Variants in CARD14 observed in about 807,000 individuals in gnomAD.
The protein encoded by CARD14 is caspase recruitment domain-containing protein 14.
In CARD14, 107 loss-of-function variants were observed where a neutral mutation model predicts 111.5. The ratio of observed to expected loss-of-function variants is 0.96; its 90% CI spans 0.82 to 1.13. The LOEUF is 1.13. Ranked by LOEUF, CARD14 falls within the 50% of genes most tolerant of loss-of-function variation. The probability of loss-of-function intolerance (pLI) is 0.00; values close to 1 mark genes in which losing one functional copy is unlikely to be tolerated. For missense variants in CARD14, 1,322 were observed against 1,362.3 expected (o/e 0.97, Z 0.47); for synonymous variants, 617 against 579.6 (o/e 1.06, Z -0.93).
Position 80,182,692 on chromosome 17 carries a change from G to A in CARD14, c.251G>A (p.Gly84Glu), listed in dbSNP as rs767900787. 4 of 1,614,002 alleles carry A rather than the reference G, an allele frequency of 2.5e-6. No individual in the cohort carries two copies. The African/African-American group carries it at 4.0e-5, about 16-fold the overall frequency. ...TTGCTGAAGACTCGAGGGAAGAACG[G>A]GGCCATCGCCTTCCTGGAGAGCCTG... ...LDLLKTRGKN[G>E]AIAFLESLKF... The change falls in exon 6 of 24, where the codon GGG (glycine) becomes GAG (glutamate). Residue 84 changes from glycine to glutamate, a missense_variant. By Grantham distance (98) the Gly-to-Glu change is moderately conservative. Coordinates refer to ENST00000648509, the MANE Select transcript of CARD14 (RefSeq NM_001366385.1). The surrounding 1 kb of genome is among the most constrained non-coding windows in gnomAD (Gnocchi z 4.7).
At position 80,195,211 on chromosome 17, in the gene CARD14, G is replaced by A; in HGVS notation, c.1377G>A (p.Leu459=). 1.2e-6 allele frequency: 2 copies of A among 1,609,758 alleles called. No homozygotes were observed. Among genetic ancestry groups the A allele is most frequent in the Non-Finnish European group, 1.7e-6 (2 of 1,178,204 alleles). ...TCCAGTCTCAGCTCTTGTCGGACCT[G>A]AGTGCCACGTCCAGCCGCGAGCTGG... ...SSTESQLLSD[L]SATSSRELVD... Residue 459 remains leucine, a synonymous_variant, in exon 13 of 24, where the codon CTG becomes CTA. Coordinates refer to ENST00000648509, the MANE Select transcript of CARD14 (RefSeq NM_001366385.1). The surrounding 1 kb of genome is among the most constrained non-coding windows in gnomAD (Gnocchi z 4.7).
rs754405150 is a variant in CARD14, at chr17:80,205,599, T to C, written c.2638T>C (p.Ser880Pro). ...RGDIIQEGEV[S>P]GGRCWVTRHA... is the part of the protein sequence containing the mutation. ...GGACATCATCCAGGAGGGAGAGGTG[T>C]CCGGGGGCCGCTGCTGGGTGACCCG... The change falls in exon 22 of 24, where the codon TCC becomes CCC. Residue 880 changes from serine (S) to proline (P), a missense_variant. Physicochemically the swap from Ser to Pro is moderately conservative, Grantham distance 74 (BLOSUM62 -1). Coordinates refer to ENST00000648509, the MANE Select transcript of CARD14 (RefSeq NM_001366385.1). The C allele has an allele frequency of 4.5e-6, 7 of 1,559,824 alleles. No individual in the cohort carries two copies. The highest frequency in any genetic ancestry group is 1.9e-5 in the Admixed American group (1 of 53,070).
Position 80,192,521 on chromosome 17 carries a change from A to G in CARD14, c.1258A>G (p.Thr420Ala), listed in dbSNP as rs762364495. 3.1e-6 allele frequency: 5 copies of G among 1,613,598 alleles called. No individual in the cohort carries two copies. The highest frequency in any genetic ancestry group is 1.6e-4 in the Middle Eastern group (1 of 6,084). The change falls in exon 12 of 24, where the codon ACC becomes GCC. Residue 420 changes from threonine to alanine, a missense_variant. Coordinates refer to ENST00000648509, the MANE Select transcript of CARD14 (RefSeq NM_001366385.1). The part of the protein sequence containing the change: ...PPGVLKQEAR[T>A]REPCPREKQR... ...TTGGCAGCTCAAGCAGGAAGCCAGG[A>G]CCAGGGAGCCCTGTCCACGGGAGAA... is the stretch of plus-strand genomic sequence containing the variant.
chr17:80,189,994 A>G lies in CARD14; in HGVS notation c.963+122A>G. On this transcript the variant is annotated intron_variant, in intron 9 of 23. Transcript: ENST00000648509. This position sits in a 1 kb window ranked among gnomAD's most constrained non-coding sequence, Gnocchi z 4.7. ...GAGCTCACATAATTTTGCTGAACGA[A>G]TCTGTCGGCCTGTTCATCTGTCCCT... 7.4e-7 allele frequency: 1 copy of G among 1,345,464 alleles called. No individual in the cohort carries two copies. The allele number at this position is 1,345,464 out of a possible 1,614,324, so 83.3% of individuals were successfully genotyped here.
At chr17:80,173,443 G>A (rs2039955978) in intron 2 of CARD14, among the ~76,000 whole-genome samples, 1 of 152,054 alleles carries the variant, frequency 6.6e-6, no homozygotes, top group Non-Finnish European at 1.5e-5. Context: ...TATAAAAATG[G>A]TATCATATTC....
rs551400878 is a variant in CARD14 at position 80,187,277 on chromosome 17, C to T, written c.676-1100C>T. On this transcript the variant is annotated intron_variant, in intron 7 of 23. Coordinates refer to ENST00000648509, the MANE Select transcript of CARD14 (RefSeq NM_001366385.1). The stretch of plus-strand genomic sequence containing the variant: ...ACTGCCATTAACAGCCCCGCTAAGA[C>T]GGGTGCCGGACTTGTTTGTAATTCA... Among the ~76,000 whole-genome samples, 12 of 152,318 alleles carry T rather than the reference C, an allele frequency of 7.9e-5. No individual in the cohort carries two copies. In the South Asian group the frequency reaches 8.3e-4, roughly 11 times the overall value.
intron 1 of CARD14, among the ~76,000 whole-genome samples, chr17:80,170,878 C>T (rs1251310788): frequency 2.8e-5 from 4 of 143,894 alleles, no homozygotes; most frequent in South Asian, 2.4e-4. Context: ...CTCCCTCTGT[C>T]GCCCAGGCTA....
rs2040434737 is a variant in CARD14, at chr17:80,189,085, A to C, written c.843+541A>C. ...AAATAAAAGCCGCTGGAGGTGCATC[A>C]CAATGCCCGACTTGGTGGGTTTACT... is the stretch of plus-strand genomic sequence containing the variant. On this transcript the variant is annotated intron_variant, in intron 8 of 23. Transcript: ENST00000648509. This position sits in a 1 kb window ranked among gnomAD's most constrained non-coding sequence, Gnocchi z 4.7. Among the ~76,000 whole-genome samples the C allele has an allele frequency of 6.6e-6, 1 of 152,134 alleles. No individual in the cohort carries two copies. Among genetic ancestry groups the C allele is most frequent in the Non-Finnish European group, 1.5e-5 (1 of 68,028 alleles).
intron 2 of CARD14, among the ~76,000 whole-genome samples, chr17:80,174,878 A>T (rs2039988583): frequency 6.6e-6 from 1 of 152,078 alleles, no homozygotes; most frequent in Non-Finnish European, 1.5e-5. Flanking sequence ...CTCTTCCCGC[A>T]GTCTGTCCCT....
rs113062813 is a variant in CARD14, at chr17:80,205,837, C to G, written c.2691+185C>G. On this transcript the variant is annotated intron_variant, in intron 22 of 23. Coordinates refer to ENST00000648509, the MANE Select transcript of CARD14 (RefSeq NM_001366385.1). ...TCTCAGCCAGTTAGGATCCACGTGA[C>G]TGTGGGTGAGGTCTCCCAACTCCTT... is the stretch of plus-strand genomic sequence containing the variant. The G allele has an allele frequency of 1.2e-4, 67 of 537,826 alleles. 1 individual carries two copies. Among genetic ancestry groups the G allele is most frequent in the African/African-American group, 1.2e-3 (63 of 51,904 alleles). 33.3% of individuals were successfully genotyped at this position (537,826 alleles called of 1,614,324 possible).
In CARD14 at chr17:80,201,763, A is replaced by G. The variant is rs1026735564; in HGVS notation, c.1871A>G (p.Glu624Gly). 2 of 1,614,020 alleles carry G rather than the reference A, an allele frequency of 1.2e-6. No homozygotes were observed. Among genetic ancestry groups the G allele is most frequent in the African/African-American group, 2.7e-5 (2 of 75,034 alleles). Residue 624 changes from glutamate to glycine, a missense_variant, in exon 17 of 24, where the codon GAG (glutamate) becomes GGG (glycine). Glu to Gly is a moderately conservative substitution (Grantham distance 98, BLOSUM62 -2). Transcript: ENST00000648509. This position sits in a 1 kb window ranked among gnomAD's most constrained non-coding sequence, Gnocchi z 5.0. ...QIVMVDYEAS[E>G]PLFKAVLEDT... ...CCTCAGGTTGATTACGAAGCCTCAG[A>G]GCCCTTGTTCAAGGCAGTCCTGGAG... is the stretch of plus-strand genomic sequence containing the variant.
Position 80,207,498 on chromosome 17 carries a change from A to G in CARD14, c.2807+413A>G, listed in dbSNP as rs557482758. The stretch of plus-strand genomic sequence containing the variant: ...CTGGGAGGTGGAGTTGCGGTGAGCC[A>G]AGATCGCGCCACTGCACTCCAGCCT... On this transcript the variant is annotated intron_variant, in intron 23 of 23. Transcript: ENST00000648509. 48 of 163,640 alleles carry G rather than the reference A, an allele frequency of 2.9e-4. No homozygotes were observed. In the South Asian group the frequency reaches 6.9e-3, roughly 24 times the overall value. The allele number at this position is 163,640 out of a possible 1,614,324, so 10.1% of individuals were successfully genotyped here.
chr17:80,179,383 G>C (rs1312371471), intron 4 of CARD14, 82 bp downstream of exon 4: 1 of 152,186 alleles, frequency 6.6e-6, no homozygotes, highest in East Asian at 1.9e-4. Context: ...GCATGTATCA[G>C]TATGAGAAAC....
intron 7 of CARD14, among the ~76,000 whole-genome samples, chr17:80,185,821 G>A (rs2040326814): frequency 6.6e-6 from 1 of 152,186 alleles, no homozygotes; most frequent in African/African-American, 2.4e-5. Context: ...CTCATTTGGG[G>A]TTTGTCTTGT....
chr17:80,206,537 G>A (rs1223957435), intron 22 of CARD14, among the ~76,000 whole-genome samples: 8 of 152,178 alleles, frequency 5.3e-5, no homozygotes, highest in African/African-American at 1.9e-4. Flanking sequence ...AGGCCGAGGC[G>A]GGCAGATCAC....
intron 4 of CARD14, 146 bp from the exon 5 acceptor site, chr17:80,181,273 G>T (rs535417203): frequency 9.2e-6 from 6 of 655,548 alleles, no homozygotes; most frequent in African/African-American, 7.3e-5. Flanking sequence ...TTCCTCTGCC[G>T]TAAACATCTC....
chr17:80,183,841 T>C, intron 6 of CARD14, 72 bp from the exon 7 acceptor site: 1 of 1,277,018 alleles, frequency 7.8e-7, no homozygotes, highest in Non-Finnish European at 1.0e-6. Context: ...CCTGCTCACC[T>C]GCTCACCTAC....
At position 80,202,384 on chromosome 17, in the gene CARD14, A is replaced by G. The variant is rs1378818312; in HGVS notation, c.2183A>G (p.Asp728Gly). 6.2e-7 allele frequency: 1 copy of G among 1,613,084 alleles called. No homozygotes were observed. The highest frequency in any genetic ancestry group is 8.5e-7 in the Non-Finnish European group (1 of 1,179,980). ...CGCGTGAACTCTTACACCATGAAGG[A>G]TACTGCCGCGCACGGCACCATCCCC... ...AHRVNSYTMK[D>G]TAAHGTIPNY... The change falls in exon 18 of 24, where the codon GAT (aspartate) becomes GGT (glycine). Residue 728 changes from aspartate to glycine, a missense_variant. Coordinates refer to ENST00000648509, the MANE Select transcript of CARD14 (RefSeq NM_001366385.1).
Position 80,188,635 on chromosome 17 carries a change from G to C in CARD14, c.843+91G>C. On this transcript the variant is annotated intron_variant, in intron 8 of 23. Transcript: ENST00000648509. The surrounding 1 kb of genome is among the most constrained non-coding windows in gnomAD (Gnocchi z 4.5). ...GGTTTCTGACAGGTGGTTTAGTTAA[G>C]GTGAGGCTAAGAACAAGAGATGAAA... is the stretch of plus-strand genomic sequence containing the variant. 2 of 1,283,582 alleles carry C rather than the reference G, an allele frequency of 1.6e-6. No individual in the cohort carries two copies. The highest frequency in any genetic ancestry group is 2.0e-6 in the Non-Finnish European group (2 of 990,300). The allele number at this position is 1,283,582 out of a possible 1,614,324, so 79.5% of individuals were successfully genotyped here.
Sources: allele counts gnomAD v4.1 joint callset (sites outside exome capture counted in the v4.1 genomes callset), GRCh38; gene constraint gnomAD v4.1.1; non-coding constraint Gnocchi (gnomAD v3.1); transcripts MANE v1.5; gene names NCBI Gene and HGNC (gene_info 2026-07-23, HGNC 2026-07-21).